Variants in RCAN3 observed in about 807,000 individuals in gnomAD.
RCAN3 encodes calcipressin-3.
RCAN3 carries 19 observed loss-of-function variants against 21.9 expected under a neutral mutation model. The observed-to-expected ratio is 0.87, with a 90% CI of 0.61 to 1.27. The LOEUF is 1.27. Among genes scored for constraint, RCAN3 ranks in the 50% most tolerant of loss-of-function variants. The pLI is 0.00. For missense variants in RCAN3, 240 were observed against 300.1 expected (o/e 0.80, Z 1.48); for synonymous variants, 114 against 112.3 (o/e 1.01, Z -0.09).
chr1:24,511,180 G>C (rs1217957001), intron 1 of RCAN3, among the ~76,000 whole-genome samples: 1 of 152,190 alleles, frequency 6.6e-6, no homozygotes, highest in Admixed American at 6.5e-5. Context: ...GGGCATGGTG[G>C]CGTGTACCTG....
intron 1 of RCAN3, among the ~76,000 whole-genome samples, chr1:24,505,842 A>T (rs972016306): frequency 6.6e-6 from 1 of 152,186 alleles, no homozygotes; most frequent in African/African-American, 2.4e-5. Flanking sequence ...AATTTGAAAA[A>T]TTATTATTAT....
chr1:24,524,617 G>A (rs2148905160), intron 2 of RCAN3, among the ~76,000 whole-genome samples: 1 of 152,200 alleles, frequency 6.6e-6, no homozygotes, highest in South Asian at 2.1e-4. Context: ...CTACCCCCAG[G>A]CAGAAATGGA....
intron 1 of RCAN3, among the ~76,000 whole-genome samples, chr1:24,509,621 A>G (rs935730048): frequency 6.6e-6 from 1 of 152,122 alleles, no homozygotes; most frequent in Non-Finnish European, 1.5e-5. Flanking sequence ...TTCTCTTGGT[A>G]TTTCCACCAC....
chr1:24,516,222 T>G (rs1054313029), intron 2 of RCAN3, among the ~76,000 whole-genome samples: 1 of 152,066 alleles, frequency 6.6e-6, no homozygotes, highest in African/African-American at 2.4e-5. Context: ...CCCAGCATTT[T>G]GGGAGGCTGT....
intron 2 of RCAN3, among the ~76,000 whole-genome samples, chr1:24,524,613 C>G (rs1322302422): frequency 6.6e-6 from 1 of 152,084 alleles, no homozygotes; most frequent in East Asian, 1.9e-4. Context: ...TTGCCTACCC[C>G]CAGGCAGAAA....
Position 24,535,555 on chromosome 1 carries a change from G to A in RCAN3, c.*278G>A, listed in dbSNP as rs1650173085. On this transcript the variant is annotated 3_prime_UTR_variant, in exon 5 of 5. Coordinates refer to ENST00000374395, the MANE Select transcript of RCAN3 (RefSeq NM_013441.4). Reference sequence around the variant, plus strand: ...ACCATTTTTAAATAGTAACAAATTAGGAAAACAGCTCCCCTCCCCTCCAGC... The same window carrying A: ...ACCATTTTTAAATAGTAACAAATTAAGAAAACAGCTCCCCTCCCCTCCAGC... The A allele has an allele frequency of 3.1e-6, 1 of 325,576 alleles. No individual in the cohort carries two copies. The highest frequency in any genetic ancestry group is 5.5e-6 in the Non-Finnish European group (1 of 181,298). The allele number at this position is 325,576 out of a possible 1,614,324, so 20.2% of individuals were successfully genotyped here. A position where few individuals can be genotyped will look rare whatever the true frequency, so the allele number is the denominator to read the frequency against.
intron 2 of RCAN3, among the ~76,000 whole-genome samples, chr1:24,527,146 C>A (rs1157953210): frequency 7.2e-6 from 1 of 139,442 alleles, no homozygotes. Flanking sequence ...ATTCTCATGT[C>A]TCAGCCTCCA....
intron 1 of RCAN3, among the ~76,000 whole-genome samples, chr1:24,503,482 C>T (rs549085454): frequency 6.6e-6 from 1 of 152,348 alleles, no homozygotes; most frequent in Admixed American, 6.5e-5. Flanking sequence ...CCCAGCCTGC[C>T]TGTGAAGGCA....
At chr1:24,509,359 A>G (rs1570445303) in intron 1 of RCAN3, among the ~76,000 whole-genome samples, 1 of 152,208 alleles carries the variant, frequency 6.6e-6, no homozygotes, top group African/African-American at 2.4e-5. Context: ...CATTTTACCT[A>G]CAGTAGAAGT....
Position 24,536,652 on chromosome 1 carries a change from A to G in RCAN3, c.*1375A>G, listed in dbSNP as rs1003014996. 2.0e-5 allele frequency: 3 copies of G among 152,222 alleles called. No homozygotes were observed. The highest frequency in any genetic ancestry group is 1.9e-4 in the East Asian group (1 of 5,208). 9.4% of individuals were successfully genotyped at this position (152,222 alleles called of 1,614,324 possible). ...CTCCGGGGCATGTGAAGGAGCTGCA[A>G]ACATGAGAACTAATGAACCAAGGCG... On this transcript the variant is annotated 3_prime_UTR_variant, in exon 5 of 5. Coordinates refer to ENST00000374395, the MANE Select transcript of RCAN3 (RefSeq NM_013441.4).
intron 2 of RCAN3, among the ~76,000 whole-genome samples, chr1:24,527,221 G>T (rs1331420722): frequency 6.6e-6 from 1 of 152,012 alleles, no homozygotes; most frequent in East Asian, 1.9e-4. Context: ...CACCGCATTG[G>T]CCAGGCTGGT....
At chr1:24,513,106 G>A (rs1328504645) in intron 1 of RCAN3, among the ~76,000 whole-genome samples, 1 of 151,944 alleles carries the variant, frequency 6.6e-6, no homozygotes, top group South Asian at 2.1e-4. Context: ...GCGTGGTGTC[G>A]GGCGCCTGTA....
At chr1:24,517,263 TG>T (rs952667831) in intron 2 of RCAN3, among the ~76,000 whole-genome samples, 152 of 152,140 alleles carry the variant, frequency 1.0e-3, no homozygotes, top group African/African-American at 3.4e-3. Context: ...TACAGGCACA[TG>T]CCACAATGCC....
intron 1 of RCAN3, among the ~76,000 whole-genome samples, chr1:24,503,845 C>T (rs1382586631): frequency 3.3e-5 from 5 of 152,240 alleles, no homozygotes; most frequent in African/African-American, 1.2e-4. Flanking sequence ...ACCAAGTACA[C>T]CACATTTATT....
chr1:24,535,266 TGCGCGCTGTGAG>T lies in RCAN3; in HGVS notation c.718_*3del. 1 of 1,545,018 alleles carries T rather than the reference TGCGCGCTGTGAG, an allele frequency of 6.5e-7. No homozygotes were observed. The highest frequency in any genetic ancestry group is 8.7e-7 in the Non-Finnish European group (1 of 1,152,464). Reference sequence around the variant, plus strand: ...GTTGAATGAGCCCCAGACCTTTGATTGCGCGCTGTGAGGCCCTTGGTTGTGGTGCGAGGCGGC... The same window carrying T: ...GTTGAATGAGCCCCAGACCTTTGATTGCCCTTGGTTGTGGTGCGAGGCGGC... On this transcript the variant is annotated stop_lost and 3_prime_UTR_variant, in exon 5 of 5. Coordinates refer to ENST00000374395, the MANE Select transcript of RCAN3 (RefSeq NM_013441.4).
intron 3 of RCAN3, among the ~76,000 whole-genome samples, chr1:24,532,339 G>A (rs1410457243): frequency 2.0e-5 from 3 of 151,882 alleles, no homozygotes; most frequent in South Asian, 2.1e-4. Flanking sequence ...TGATTCTCCC[G>A]CCTCCGCCTC....
In RCAN3 at chr1:24,535,099, A is replaced by G. The variant is rs1359938838; in HGVS notation, c.548A>G (p.Lys183Arg). 1 of 1,595,430 alleles carries G rather than the reference A, an allele frequency of 6.3e-7. No homozygotes were observed. The highest frequency in any genetic ancestry group is 1.8e-5 in the Admixed American group (1 of 55,370). ...CAVSKLGPGEKYELHAGTEST... is the reference protein window; with the variant it reads ...CAVSKLGPGERYELHAGTEST... Reference sequence around the variant, plus strand: ...ATTTTGTTTGCCTCTGCAGGAGAGAAATATGAACTTCACGCGGGAACAGAG... The same window carrying G: ...ATTTTGTTTGCCTCTGCAGGAGAGAGATATGAACTTCACGCGGGAACAGAG... The change falls in exon 5 of 5, where the codon AAA becomes AGA. Residue 183 changes from lysine (K) to arginine (R), a missense_variant. Physicochemically the swap from Lys to Arg is conservative, Grantham distance 26. Transcript: ENST00000374395.
rs1366953522 is a variant in RCAN3, at chr1:24,536,772, A to G, written c.*1495A>G. On this transcript the variant is annotated 3_prime_UTR_variant, in exon 5 of 5. Transcript: ENST00000374395. The stretch of plus-strand genomic sequence containing the variant: ...TTGTGGTTTCGTTCTCACTGTGGTA[A>G]AATTTATTTCTGAGCACTTAAACTG... 6.6e-6 allele frequency: 1 copy of G among 152,140 alleles called. No individual in the cohort carries two copies. The highest frequency in any genetic ancestry group is 1.9e-4 in the East Asian group (1 of 5,204). The allele number at this position is 152,140 out of a possible 1,614,324, so 9.4% of individuals were successfully genotyped here.
At chr1:24,524,987 G>A (rs971448232) in intron 2 of RCAN3, among the ~76,000 whole-genome samples, 1 of 151,942 alleles carries the variant, frequency 6.6e-6, no homozygotes, top group Non-Finnish European at 1.5e-5. Flanking sequence ...AATAGAAGTG[G>A]TGGGCTCCTC....
Sources: gnomAD v4.1 joint callset for allele counts (sites outside exome capture counted in the v4.1 genomes callset) on GRCh38, gnomAD v4.1.1 for gene constraint, MANE v1.5 for transcripts, NCBI Gene and HGNC (gene_info 2026-07-23, HGNC 2026-07-21) for gene names.